Variants in CNOT10 observed in about 807,000 individuals in gnomAD.
The protein encoded by CNOT10 is CCR4-NOT transcription complex, subunit 10.
Under a neutral mutation model 94.6 loss-of-function variants are expected in CNOT10, and 30 were observed. That is an observed-to-expected ratio of 0.32 (90% confidence interval 0.24 to 0.43). The LOEUF is 0.43. CNOT10 is among the 20% of genes least tolerant of loss of function. CNOT10 has a pLI of 1.00. For synonymous variants in CNOT10, 289 were observed against 301.6 expected (o/e 0.96, Z 0.43); for missense variants, 759 against 877.2 (o/e 0.87, Z 1.70).
chr3:32,727,912 CCA>C, intron 10 of CNOT10, 42 bp downstream of exon 10: 2 of 1,423,982 alleles, frequency 1.4e-6, no homozygotes, highest in Non-Finnish European at 1.9e-6. Context: ...TGTCTTCTCC[CCA>C]CTTACTACAT....
chr3:32,691,593 T>C (rs76759758), intron 1 of CNOT10, among the ~76,000 whole-genome samples: 9,301 of 152,260 alleles, frequency 0.061, 329 homozygotes, highest in African/African-American at 0.09. Context: ...CCAACACACC[T>C]GGCTCTAGCT....
At chr3:32,743,019 C>A (rs113244064) in intron 13 of CNOT10, among the ~76,000 whole-genome samples, 3,084 of 146,606 alleles carry the variant, frequency 0.021, 46 homozygotes, top group East Asian at 0.045. Flanking sequence ...AGATTTTTGC[C>A]CTTGTTCCCC....
At chr3:32,769,796 A>T in intron 17 of CNOT10, 91 bp from the exon 18 acceptor site, 1 of 986,626 alleles carries the variant, frequency 1.0e-6, no homozygotes, top group Non-Finnish European at 1.6e-6. Context: ...GAGCTTGAAT[A>T]AGTTTGTTAC....
chr3:32,753,843 A>T, intron 13 of CNOT10: 1 of 1,531,688 alleles, frequency 6.5e-7, no homozygotes, highest in Non-Finnish European at 9.0e-7. Flanking sequence ...AGCTGGTCTG[A>T]TGTAGGTAAA....
intron 1 of CNOT10, among the ~76,000 whole-genome samples, chr3:32,692,089 G>C (rs1172256532): frequency 6.6e-6 from 1 of 151,182 alleles, no homozygotes; most frequent in Non-Finnish European, 1.5e-5. Flanking sequence ...CGCCAGGCAT[G>C]GTGGTTCATA....
At position 32,703,919 on chromosome 3, in the gene CNOT10, A is replaced by G. The variant is rs1411512467; in HGVS notation, c.74A>G (p.Asp25Gly). ...EGTGQSSGIT[D>G]QEKELSTNAF... is the part of the protein sequence containing the mutation. ...ACAGGTCAGTCCTCTGGGATCACTG[A>G]TCAAGAGAAGGAGTTATCCACCAAT... The change falls in exon 2 of 19, where the codon GAT becomes GGT. Residue 25 changes from aspartate (D) to glycine (G), a missense_variant. By Grantham distance (94) the Asp-to-Gly change is moderately conservative. This residue lies in a region of CNOT10 where 682 missense variants were observed against 799.4 expected (regional missense o/e 0.85). Coordinates refer to ENST00000328834, the MANE Select transcript of CNOT10 (RefSeq NM_015442.3). 6.2e-7 allele frequency: 1 copy of G among 1,613,986 alleles called. No individual in the cohort carries two copies. Among genetic ancestry groups the G allele is most frequent in the Admixed American group, 1.7e-5 (1 of 60,018 alleles).
chr3:32,725,842 G>A (rs1316824966), intron 9 of CNOT10, among the ~76,000 whole-genome samples: 1 of 152,160 alleles, frequency 6.6e-6, no homozygotes, highest in Non-Finnish European at 1.5e-5. Flanking sequence ...TCATTGATTT[G>A]AAAATGAGTA....
chr3:32,687,118 TA>T (rs1175556288), intron 1 of CNOT10, among the ~76,000 whole-genome samples: 1 of 152,202 alleles, frequency 6.6e-6, no homozygotes, highest in Non-Finnish European at 1.5e-5. Context: ...TAAATTTGAA[TA>T]AAATAGATGA....
At chr3:32,697,274 C>T (rs1697117761) in intron 1 of CNOT10, among the ~76,000 whole-genome samples, 1 of 152,052 alleles carries the variant, frequency 6.6e-6, no homozygotes, top group Non-Finnish European at 1.5e-5. Context: ...TCTGGGGTTG[C>T]TAACAGCAGT....
chr3:32,764,435 T>C lies in CNOT10; in HGVS notation c.1841-20T>C. ...TGCTCTGTTGTTCTGCCCCTCAGAT[T>C]TATTTTCGTGTTTTTGTAGGATCAG... On this transcript the variant is annotated intron_variant, in intron 15 of 18. Coordinates refer to ENST00000328834, the MANE Select transcript of CNOT10 (RefSeq NM_015442.3). 2 of 1,613,372 alleles carry C rather than the reference T, an allele frequency of 1.2e-6. No individual in the cohort carries two copies. The highest frequency in any genetic ancestry group is 2.2e-5 in the East Asian group (1 of 44,880).
intron 4 of CNOT10, 103 bp downstream of exon 4, chr3:32,708,923 T>C (rs1697747940): frequency 5.7e-6 from 5 of 874,064 alleles, no homozygotes; most frequent in Non-Finnish European, 8.4e-6. Flanking sequence ...TCCATGCCAG[T>C]ATTCAAAGAA....
chr3:32,767,694 G>A (rs1407037992), intron 17 of CNOT10, among the ~76,000 whole-genome samples: 2 of 152,094 alleles, frequency 1.3e-5, no homozygotes, highest in African/African-American at 4.8e-5. Context: ...GAAAAGTTAA[G>A]TGACAGGCTG....
chr3:32,759,705 C>T lies in CNOT10; in HGVS notation c.1709+134C>T, dbSNP rs572507700. The T allele has an allele frequency of 8.7e-6, 6 of 692,372 alleles. No homozygotes were observed. In the East Asian group the frequency reaches 1.0e-4, roughly 12 times the overall value. The allele number at this position is 692,372 out of a possible 1,614,324, so 42.9% of individuals were successfully genotyped here. A position where few individuals can be genotyped will look rare whatever the true frequency, so the allele number is the denominator to read the frequency against. The stretch of plus-strand genomic sequence containing the variant: ...TAAGGAAAGCAACTGTTTAAAAGAA[C>T]GTTTTTTAACCCATGCCTCGGCAGT... On this transcript the variant is annotated intron_variant, in intron 14 of 18. Coordinates refer to ENST00000328834, the MANE Select transcript of CNOT10 (RefSeq NM_015442.3).
chr3:32,704,794 T>C lies in CNOT10; in HGVS notation c.118-17T>C. 6.8e-7 allele frequency: 1 copy of C among 1,477,034 alleles called. No homozygotes were observed. Among genetic ancestry groups the C allele is most frequent in the Non-Finnish European group, 9.1e-7 (1 of 1,102,718 alleles). The allele number at this position is 1,477,034 out of a possible 1,614,324, so 91.5% of individuals were successfully genotyped here. A position where few individuals can be genotyped will look rare whatever the true frequency, so the allele number is the denominator to read the frequency against. ...GTATGTAATTTTGTGTGTGTGTGTG[T>C]GGTTTTTTTTTTTTAGTCTGGAAAT... On this transcript the variant is annotated splice_polypyrimidine_tract_variant and intron_variant, in intron 2 of 18. Coordinates refer to ENST00000328834, the MANE Select transcript of CNOT10 (RefSeq NM_015442.3).
rs766209503 is a variant in CNOT10, at chr3:32,717,213, G to A, written c.720G>A (p.Lys240=). Residue 240 remains lysine (K), a synonymous_variant, in exon 7 of 19, where the codon AAG becomes AAA. Coordinates refer to ENST00000328834, the MANE Select transcript of CNOT10 (RefSeq NM_015442.3). ...KSLKACKREI[K]SVMNTAGNSA... Reference sequence around the variant, plus strand: ...TGAAAGCATGTAAAAGGGAAATCAAGTCAGTCATGAATACAGCTGGAAATG... The same window carrying A: ...TGAAAGCATGTAAAAGGGAAATCAAATCAGTCATGAATACAGCTGGAAATG... 1 of 1,608,530 alleles carries A rather than the reference G, an allele frequency of 6.2e-7. No individual in the cohort carries two copies. The highest frequency in any genetic ancestry group is 2.2e-5 in the East Asian group (1 of 44,596).
intron 8 of CNOT10, among the ~76,000 whole-genome samples, chr3:32,723,150 T>G (rs1330485793): frequency 6.6e-6 from 1 of 152,040 alleles, no homozygotes; most frequent in Non-Finnish European, 1.5e-5. Context: ...TCTCAGCACT[T>G]TGGGAGGCTG....
chr3:32,733,372 C>G, intron 10 of CNOT10, 51 bp from the exon 11 acceptor site: 10 of 1,364,020 alleles, frequency 7.3e-6, no homozygotes, highest in Non-Finnish European at 1.0e-5. Flanking sequence ...ATTTTTTATA[C>G]CACATCTTAC....
At chr3:32,726,836 ATTTTT>A (rs56273006) in intron 9 of CNOT10, among the ~76,000 whole-genome samples, 1 of 81,272 alleles carries the variant, frequency 1.2e-5, no homozygotes. Context: ...ACCAAGATGA[ATTTTT>A]TTTTTTTTTT....
Position 32,704,857 on chromosome 3 carries a change from A to T in CNOT10, c.164A>T (p.Asp55Val), listed in dbSNP as rs199539294. The change falls in exon 3 of 19, where the codon GAT becomes GTT. Residue 55 changes from aspartate (D) to valine (V), a missense_variant. By Grantham distance (152) the Asp-to-Val change is radical (BLOSUM62 -3). Transcript: ENST00000328834. ...ACLQHLACLQ[D>V]INKDDYKIIL... is the part of the protein sequence containing the mutation. Reference sequence around the variant, plus strand: ...CTACAACACCTTGCCTGTCTACAAGATATAAACAAAGATGATTATAAAATA... The same window carrying T: ...CTACAACACCTTGCCTGTCTACAAGTTATAAACAAAGATGATTATAAAATA... 7.8e-5 allele frequency: 122 copies of T among 1,574,122 alleles called. No homozygotes were observed. The highest frequency in any genetic ancestry group is 9.7e-5 in the Non-Finnish European group (113 of 1,168,838).
Sources: gnomAD v4.1 joint callset for allele counts (sites outside exome capture counted in the v4.1 genomes callset) on GRCh38, gnomAD v4.1.1 for gene constraint, gnomAD v4.1.1 regional missense constraint, MANE v1.5 for transcripts, NCBI Gene and HGNC (gene_info 2026-07-23, HGNC 2026-07-21) for gene names.